The following PLCL2 variants were observed in gnomAD, a reference collection of about 807,000 sequenced individuals.
PLCL2 encodes the protein inactive phospholipase C-like protein 2.
PLCL2 carries 4 observed loss-of-function variants against 79.6 expected under a neutral mutation model. The ratio of observed to expected loss-of-function variants is 0.05; its 90% CI spans 0.02 to 0.11. The LOEUF (loss-of-function observed/expected upper bound fraction) is 0.11. Ranked by LOEUF, PLCL2 falls within the 10% of genes least tolerant of loss-of-function variation. PLCL2 has a pLI of 1.00. For missense variants in PLCL2, 895 were observed against 1,291.0 expected (o/e 0.69, Z 4.70); for synonymous variants, 484 against 457.7 (o/e 1.06, Z -0.73).
chr3:16,980,824 A>G (rs890193078), intron 1 of PLCL2, among the ~76,000 whole-genome samples: 6 of 152,156 alleles, frequency 3.9e-5, no homozygotes, highest in Admixed American at 3.9e-4. Flanking sequence ...AGATCACGCC[A>G]CTGCACTCCA....
chr3:17,001,287 A>G (rs1433609483), intron 1 of PLCL2, among the ~76,000 whole-genome samples: 1 of 152,002 alleles, frequency 6.6e-6, no homozygotes, highest in Admixed American at 6.6e-5. Context: ...CTCATTGGAC[A>G]GTTTGCACAT....
intron 1 of PLCL2, among the ~76,000 whole-genome samples, chr3:17,005,384 G>A (rs2064251613): frequency 6.6e-6 from 1 of 151,992 alleles, no homozygotes; most frequent in Non-Finnish European, 1.5e-5. Context: ...GTTTCAGGAT[G>A]AGAATTTATG....
chr3:17,019,029 G>T (rs2064416467), intron 3 of PLCL2, among the ~76,000 whole-genome samples: 2 of 152,162 alleles, frequency 1.3e-5, no homozygotes, highest in Admixed American at 1.3e-4. Flanking sequence ...ATAGTAAATA[G>T]ATATTTTAAA....
intron 1 of PLCL2, among the ~76,000 whole-genome samples, chr3:16,945,316 G>GT (rs2063591442): frequency 6.6e-6 from 1 of 151,858 alleles, no homozygotes; most frequent in Non-Finnish European, 1.5e-5. Context: ...TTTCTCCGTA[G>GT]TATTTATATT....
chr3:17,060,056 C>T (rs978204326), intron 4 of PLCL2, among the ~76,000 whole-genome samples: 1 of 152,044 alleles, frequency 6.6e-6, no homozygotes. Context: ...CTTTATTTCT[C>T]GGTGAAATGA....
intron 1 of PLCL2, among the ~76,000 whole-genome samples, chr3:16,899,557 T>C (rs1426878761): frequency 6.6e-6 from 1 of 152,110 alleles, no homozygotes; most frequent in Non-Finnish European, 1.5e-5. Context: ...TTGGTTGAAG[T>C]GTTAAATGTG....
chr3:16,955,582 G>A (rs560906697), intron 1 of PLCL2, among the ~76,000 whole-genome samples: 1 of 152,274 alleles, frequency 6.6e-6, no homozygotes, highest in Admixed American at 6.5e-5. Context: ...TTGGTAGCTT[G>A]ATGGGGATGG....
rs539500553 is a variant in PLCL2, at chr3:16,995,737, G to A, written c.328-13937G>A. ...ACAAGTATAATCTGCTCTTTTTTGTGATGTATTAGACAACTCTATGTGTAA... is the reference window on the plus strand; with the variant it reads ...ACAAGTATAATCTGCTCTTTTTTGTAATGTATTAGACAACTCTATGTGTAA... On this transcript the variant is annotated intron_variant, in intron 1 of 5. Coordinates refer to ENST00000615277, the MANE Select transcript of PLCL2 (RefSeq NM_001144382.2). 1.2e-4 allele frequency among the ~76,000 whole-genome samples: 19 copies of A among 152,106 alleles called. 1 individual carries two copies. The South Asian group carries it at 3.1e-3, about 25-fold the overall frequency.
chr3:16,973,516 C>T (rs1222255456), intron 1 of PLCL2, among the ~76,000 whole-genome samples: 1 of 152,104 alleles, frequency 6.6e-6, no homozygotes, highest in African/African-American at 2.4e-5. Flanking sequence ...TGCTAGAAAT[C>T]TCTGTATTCC....
At chr3:16,908,747 G>A (rs1696806960) in intron 1 of PLCL2, among the ~76,000 whole-genome samples, 1 of 152,190 alleles carries the variant, frequency 6.6e-6, no homozygotes, top group Admixed American at 6.5e-5. Context: ...TGGGGATTGA[G>A]GCTGTGTTCC....
intron 1 of PLCL2, among the ~76,000 whole-genome samples, chr3:16,904,916 G>A (rs150666015): frequency 9.2e-5 from 14 of 152,204 alleles, no homozygotes; most frequent in Non-Finnish European, 1.6e-4. Context: ...AGTTTCCTGA[G>A]GCCTTCCCAG....
chr3:17,072,947 T>C (rs145134117), intron 5 of PLCL2, among the ~76,000 whole-genome samples: 326 of 152,268 alleles, frequency 2.1e-3, no homozygotes, highest in Non-Finnish European at 4.0e-3. Flanking sequence ...CAGCCTTCTC[T>C]TCTCAGAGTT....
chr3:16,960,547 G>A (rs896383522), intron 1 of PLCL2, among the ~76,000 whole-genome samples: 3 of 150,478 alleles, frequency 2.0e-5, no homozygotes, highest in Non-Finnish European at 4.4e-5. Flanking sequence ...CGTTTGGTAA[G>A]CTGCATTCTT....
At position 16,964,285 on chromosome 3, in the gene PLCL2, C is replaced by G. The variant is rs2063784021; in HGVS notation, c.328-45389C>G. Reference sequence around the variant, plus strand: ...AACATGCGGTGTTTGGTTTTCTGTCCTTGCGATAGTTTCCTGAGAATGATG... The same window carrying G: ...AACATGCGGTGTTTGGTTTTCTGTCGTTGCGATAGTTTCCTGAGAATGATG... On this transcript the variant is annotated intron_variant, in intron 1 of 5. Coordinates refer to ENST00000615277, the MANE Select transcript of PLCL2 (RefSeq NM_001144382.2). Among the ~76,000 whole-genome samples, 3 of 150,020 alleles carry G rather than the reference C, an allele frequency of 2.0e-5. No homozygotes were observed. In the Admixed American group the frequency reaches 2.0e-4, roughly 10 times the overall value.
At chr3:17,017,242 A>G (rs1411482787) in intron 3 of PLCL2, among the ~76,000 whole-genome samples, 2 of 152,238 alleles carry the variant, frequency 1.3e-5, no homozygotes, top group Non-Finnish European at 2.9e-5. Flanking sequence ...AGAATATGCT[A>G]GCTTGCTTAA....
Position 17,089,847 on chromosome 3 carries a change from G to T in PLCL2, c.3319G>T (p.Val1107Phe). ...TAAACCAGGCACCGAAAATGCTGAT[G>T]TCCAGAAGCCACGCCGGAGCTTGGA... ...LNKPGTENADVQKPRRSLEVI... is the reference protein window; with the variant it reads ...LNKPGTENADFQKPRRSLEVI... Residue 1107 changes from valine to phenylalanine, a missense_variant, in exon 6 of 6, where the codon GTC becomes TTC. Physicochemically the swap from Val to Phe is conservative, Grantham distance 50. This residue lies in a region of PLCL2 where 298 missense variants were observed against 459.6 expected (regional missense o/e 0.65). Coordinates refer to ENST00000615277, the MANE Select transcript of PLCL2 (RefSeq NM_001144382.2). 6.2e-7 allele frequency: 1 copy of T among 1,614,092 alleles called. No homozygotes were observed. Among genetic ancestry groups the T allele is most frequent in the South Asian group, 1.1e-5 (1 of 91,048 alleles).
At chr3:17,035,917 T>G (rs2064646150) in intron 3 of PLCL2, 1 of 339,840 alleles carries the variant, frequency 2.9e-6, no homozygotes, top group Non-Finnish European at 5.8e-6. Flanking sequence ...TGAGTAGTGC[T>G]TTTTATCAAG....
chr3:17,027,983 T>A (rs2064536917), intron 3 of PLCL2, among the ~76,000 whole-genome samples: 1 of 152,232 alleles, frequency 6.6e-6, no homozygotes, highest in Non-Finnish European at 1.5e-5. Flanking sequence ...CAATAACATT[T>A]GTAACTAATT....
chr3:17,030,021 G>A (rs1265572849), intron 3 of PLCL2, among the ~76,000 whole-genome samples: 1 of 152,158 alleles, frequency 6.6e-6, no homozygotes, highest in Non-Finnish European at 1.5e-5. Flanking sequence ...TGCACCCTAG[G>A]AAGCAGATGA....
Sources: allele counts gnomAD v4.1 joint callset (sites outside exome capture counted in the v4.1 genomes callset), GRCh38; gene constraint gnomAD v4.1.1; regional missense constraint gnomAD v4.1.1; transcripts MANE v1.5; gene names NCBI Gene and HGNC (gene_info 2026-07-23, HGNC 2026-07-21).